Variants in RYR2 observed in about 807,000 individuals in gnomAD.
The protein encoded by RYR2 is cardiac muscle ryanodine receptor-calcium release channel.
Under a neutral mutation model 601.1 loss-of-function variants are expected in RYR2, and 227 were observed. The observed-to-expected ratio is 0.38, with a 90% CI of 0.34 to 0.42. The LOEUF is 0.42. Ranked by LOEUF, RYR2 falls within the 10% of genes least tolerant of loss-of-function variation. The pLI is 1.00. For synonymous variants in RYR2, 2,223 were observed against 2,175.1 expected (o/e 1.02, Z -0.61); for missense variants, 4,646 against 6,156.5 (o/e 0.75, Z 8.21).
chr1:237,370,754 A>G (rs1001130178), intron 6 of RYR2, among the ~76,000 whole-genome samples: 1 of 145,332 alleles, frequency 6.9e-6, no homozygotes, highest in Non-Finnish European at 1.5e-5. Context: ...TCCGCCTCCC[A>G]GGTTCACGCC....
chr1:237,628,560 T>G (rs1373684409), intron 41 of RYR2, among the ~76,000 whole-genome samples: 1 of 152,142 alleles, frequency 6.6e-6, no homozygotes, highest in Admixed American at 6.5e-5. Context: ...TCATCATTTT[T>G]TATGGCTGCA....
At chr1:237,464,540 AC>A (rs1659846087) in intron 16 of RYR2, among the ~76,000 whole-genome samples, 1 of 151,894 alleles carries the variant, frequency 6.6e-6, no homozygotes, top group South Asian at 2.1e-4. Flanking sequence ...AAGAAAATGT[AC>A]CTTTTTGACC....
At chr1:237,433,058 G>T (rs2150108554) in intron 12 of RYR2, among the ~76,000 whole-genome samples, 1 of 151,330 alleles carries the variant, frequency 6.6e-6, no homozygotes, top group African/African-American at 2.4e-5. Flanking sequence ...TTAAAGAAAA[G>T]AACAAATTAG....
At chr1:237,099,896 A>T (rs1239630444) in intron 1 of RYR2, among the ~76,000 whole-genome samples, 2 of 152,218 alleles carry the variant, frequency 1.3e-5, no homozygotes, top group East Asian at 3.9e-4. Context: ...GGAGTTTTGT[A>T]AATTTCCCCA....
At chr1:237,396,602 G>A (rs1470085091) in intron 10 of RYR2, among the ~76,000 whole-genome samples, 1 of 152,162 alleles carries the variant, frequency 6.6e-6, no homozygotes, top group Non-Finnish European at 1.5e-5. Flanking sequence ...TTGGCAGAAA[G>A]CTCAAGTTTT....
intron 17 of RYR2, among the ~76,000 whole-genome samples, chr1:237,473,417 C>T (rs943219369): frequency 7.3e-6 from 1 of 137,410 alleles, no homozygotes; most frequent in Non-Finnish European, 1.6e-5. Flanking sequence ...GAACGAGACT[C>T]CATCTCTCTC....
intron 17 of RYR2, among the ~76,000 whole-genome samples, chr1:237,475,751 T>G (rs2150339253): frequency 6.6e-6 from 1 of 152,334 alleles, no homozygotes; most frequent in African/African-American, 2.4e-5. Flanking sequence ...ACTTGTCAGT[T>G]TTTGTGGTGA....
intron 14 of RYR2, among the ~76,000 whole-genome samples, chr1:237,448,221 C>T (rs1248970049): frequency 6.6e-6 from 1 of 152,044 alleles, no homozygotes; most frequent in Non-Finnish European, 1.5e-5. Context: ...GGCACCACAC[C>T]CGGCATTGAT....
intron 2 of RYR2, among the ~76,000 whole-genome samples, chr1:237,278,607 C>T (rs7513357): frequency 0.89 from 135,339 of 152,180 alleles, 60,274 homozygotes; most frequent in East Asian, 1. Flanking sequence ...ATAATTTGTA[C>T]TCCTGAGAGC....
chr1:237,369,278 A>G (rs964055270), intron 5 of RYR2, among the ~76,000 whole-genome samples: 2 of 152,156 alleles, frequency 1.3e-5, no homozygotes, highest in African/African-American at 2.4e-5. Flanking sequence ...AAATAACTAT[A>G]ATTATGATAA....
intron 17 of RYR2, among the ~76,000 whole-genome samples, chr1:237,476,000 T>C (rs1180375673): frequency 2.0e-5 from 3 of 152,248 alleles, no homozygotes; most frequent in Non-Finnish European, 2.9e-5. Flanking sequence ...CTGGATGTTC[T>C]CAGTCCTTGA....
At chr1:237,314,063 C>CTTTTT (rs397983391) in intron 2 of RYR2, among the ~76,000 whole-genome samples, 15 of 82,328 alleles carry the variant, frequency 1.8e-4, no homozygotes, top group South Asian at 5.0e-4. Context: ...ACATGAATTT[C>CTTTTT]TTTTTTTTTT....
At position 237,539,363 on chromosome 1, in the gene RYR2, G is replaced by A. The variant is rs75613400; in HGVS notation, c.2906+8853G>A. ...GGTCGATTCCTACACGCAACCCTTGGGCTATGGTCTATGAAAGAGCAGTAT... is the reference window on the plus strand; with the variant it reads ...GGTCGATTCCTACACGCAACCCTTGAGCTATGGTCTATGAAAGAGCAGTAT... On this transcript the variant is annotated intron_variant, in intron 25 of 104. Coordinates refer to ENST00000366574, the MANE Select transcript of RYR2 (RefSeq NM_001035.3). Among the ~76,000 whole-genome samples the A allele has an allele frequency of 4.3e-3, 659 of 152,176 alleles. 5 individuals carry two copies. Among genetic ancestry groups the A allele is most frequent in the African/African-American group, 0.015 (616 of 41,510 alleles).
At chr1:237,537,163 C>A (rs944254660) in intron 25 of RYR2, among the ~76,000 whole-genome samples, 1 of 152,146 alleles carries the variant, frequency 6.6e-6, no homozygotes, top group South Asian at 2.1e-4. Flanking sequence ...TCTTATAAGA[C>A]CCATTTCTTT....
intron 101 of RYR2, among the ~76,000 whole-genome samples, chr1:237,827,860 C>A (rs1369695523): frequency 6.8e-6 from 1 of 146,632 alleles, no homozygotes; most frequent in African/African-American, 2.5e-5. Context: ...TGGCATGAAC[C>A]CGGGAGGCGG....
intron 1 of RYR2, among the ~76,000 whole-genome samples, chr1:237,155,600 T>A (rs1236354502): frequency 6.6e-6 from 1 of 152,244 alleles, no homozygotes; most frequent in Non-Finnish European, 1.5e-5. Flanking sequence ...GTTATTAAAC[T>A]TTCACGAAAT....
At chr1:237,444,700 G>T (rs1181124557) in intron 13 of RYR2, among the ~76,000 whole-genome samples, 1 of 152,124 alleles carries the variant, frequency 6.6e-6, no homozygotes, top group African/African-American at 2.4e-5. Flanking sequence ...CTGGGTGTTG[G>T]TCATGCAGGA....
chr1:237,123,791 C>T (rs1167451710), intron 1 of RYR2, among the ~76,000 whole-genome samples: 2 of 151,416 alleles, frequency 1.3e-5, no homozygotes, highest in African/African-American at 4.9e-5. Context: ...CCTCAGCCTC[C>T]CGAGTAGCTG....
chr1:237,584,342 A>G (rs1269723514), intron 29 of RYR2, among the ~76,000 whole-genome samples: 2 of 152,240 alleles, frequency 1.3e-5, no homozygotes, highest in Non-Finnish European at 2.9e-5. Context: ...TATGCCAAAC[A>G]TTCCATCTTA....
Sources: gnomAD v4.1 joint callset for allele counts (sites outside exome capture counted in the v4.1 genomes callset) on GRCh38, gnomAD v4.1.1 for gene constraint, MANE v1.5 for transcripts, NCBI Gene and HGNC (gene_info 2026-07-23, HGNC 2026-07-21) for gene names.